The following MICU2 variants were observed in gnomAD, a reference collection of about 807,000 sequenced individuals.
The protein encoded by MICU2 is mitochondrial calcium uptake 2, also known as calcium uptake protein 2, mitochondrial.
A neutral mutation model predicts 60.4 loss-of-function variants in MICU2; 64 were observed. The observed-to-expected ratio is 1.06, with a 90% CI of 0.87 to 1.31. The LOEUF is 1.31. Among genes scored for constraint, MICU2 ranks in the 50% most tolerant of loss-of-function variants. The pLI is 0.00. For missense variants in MICU2, 569 were observed against 531.0 expected (o/e 1.07, Z -0.70); for synonymous variants, 201 against 175.0 (o/e 1.15, Z -1.17).
chr13:21,575,812 T>A (rs888134141), intron 1 of MICU2, among the ~76,000 whole-genome samples: 3 of 151,482 alleles, frequency 2.0e-5, no homozygotes, highest in African/African-American at 7.3e-5. Context: ...ATCAATATCA[T>A]TTATTGCAAC....
chr13:21,603,873 C>T, intron 1 of MICU2, 66 bp downstream of exon 1: 1 of 1,567,958 alleles, frequency 6.4e-7, no homozygotes, highest in Non-Finnish European at 8.7e-7. Flanking sequence ...CAAACCACTC[C>T]CCGCCTAAGG....
chr13:21,515,432 T>G (rs1266559436), intron 6 of MICU2: 1 of 287,448 alleles, frequency 3.5e-6, no homozygotes, highest in Non-Finnish European at 7.1e-6. Context: ...TCCTTTTCCC[T>G]TTATGCATTT....
At chr13:21,495,777 GC>G (rs1885980402) in intron 10 of MICU2, 1 of 262,478 alleles carries the variant, frequency 3.8e-6, no homozygotes, top group East Asian at 9.1e-5. Flanking sequence ...TTTGTGATCC[GC>G]CCACCTTGGA....
intron 2 of MICU2, among the ~76,000 whole-genome samples, chr13:21,562,633 G>A (rs1032988832): frequency 6.6e-6 from 1 of 152,022 alleles, no homozygotes; most frequent in South Asian, 2.1e-4. Context: ...ATACCACTTC[G>A]TGGGTGGTAC....
chr13:21,554,502 A>G (rs1249592901), intron 2 of MICU2, among the ~76,000 whole-genome samples: 5 of 152,220 alleles, frequency 3.3e-5, no homozygotes, highest in Non-Finnish European at 7.3e-5. Context: ...AAGATACAAC[A>G]TACCAGAATC....
intron 1 of MICU2, among the ~76,000 whole-genome samples, chr13:21,579,709 G>A (rs969165520): frequency 4.6e-5 from 7 of 152,074 alleles, no homozygotes; most frequent in Non-Finnish European, 7.4e-5. Flanking sequence ...GCACAAATTT[G>A]CCAAAGTCTC....
chr13:21,553,919 T>C (rs1335667813), intron 2 of MICU2, among the ~76,000 whole-genome samples: 1 of 151,770 alleles, frequency 6.6e-6, no homozygotes, highest in African/African-American at 2.4e-5. Context: ...CCAACAAAGA[T>C]CAAAAGAGAC....
intron 6 of MICU2, among the ~76,000 whole-genome samples, 169 bp from the exon 7 acceptor site, chr13:21,514,587 G>A (rs1451946218): frequency 2.0e-5 from 3 of 151,802 alleles, no homozygotes; most frequent in East Asian, 3.9e-4. Context: ...AGGCTGGAGT[G>A]CAGTGGCGCA....
intron 9 of MICU2, among the ~76,000 whole-genome samples, chr13:21,501,226 G>C (rs985246545): frequency 1.3e-5 from 2 of 151,680 alleles, no homozygotes; most frequent in African/African-American, 4.8e-5. Flanking sequence ...ACCAAGGTTT[G>C]ATAATATATT....
intron 9 of MICU2, among the ~76,000 whole-genome samples, chr13:21,498,882 C>T (rs777244124): frequency 1.3e-5 from 2 of 151,710 alleles, no homozygotes; most frequent in Non-Finnish European, 2.9e-5. Context: ...ATCATGACCT[C>T]GAAGTAGGCA....
intron 6 of MICU2, among the ~76,000 whole-genome samples, chr13:21,515,112 C>T (rs532013103): frequency 4.6e-4 from 64 of 138,936 alleles, no homozygotes; most frequent in Non-Finnish European, 6.8e-4. Context: ...GACGGAGTCT[C>T]GCTCTGTCAC....
intron 4 of MICU2, among the ~76,000 whole-genome samples, chr13:21,528,120 T>C (rs1276091845): frequency 1.3e-5 from 2 of 152,178 alleles, no homozygotes; most frequent in Non-Finnish European, 2.9e-5. Context: ...AATATATATA[T>C]AGTAAACTAC....
chr13:21,566,603 CAT>C (rs1307375540), intron 2 of MICU2, among the ~76,000 whole-genome samples, 192 bp downstream of exon 2: 1 of 151,590 alleles, frequency 6.6e-6, no homozygotes, highest in African/African-American at 2.4e-5. Flanking sequence ...TTTAGAGAAA[CAT>C]ACATACAAAA....
rs1888896048 is a variant in MICU2, at chr13:21,604,002, C to A, written c.147G>T (p.Ala49=). ...CACTGACGCGGCTGTGGTGCCAGGC[C>A]GCTCCTGCTCCTGCCAGGGCCGCGC... ...VAGAALAGAG[A]AWHHSRVSVA... is the part of the protein sequence containing the mutation. Residue 49 remains alanine (A), a synonymous_variant, in exon 1 of 12, where the codon GCG becomes GCT. Transcript: ENST00000382374. The A allele has an allele frequency of 3.7e-6, 6 of 1,610,986 alleles. No homozygotes were observed. The highest frequency in any genetic ancestry group is 2.2e-5 in the South Asian group (2 of 90,948).
intron 6 of MICU2, among the ~76,000 whole-genome samples, chr13:21,520,176 G>A (rs1440897599): frequency 6.6e-6 from 1 of 152,088 alleles, no homozygotes; most frequent in Non-Finnish European, 1.5e-5. Context: ...GTATTCTATT[G>A]TATGGATCCT....
chr13:21,590,592 A>G (rs1888557468), intron 1 of MICU2, among the ~76,000 whole-genome samples: 1 of 152,232 alleles, frequency 6.6e-6, no homozygotes, highest in African/African-American at 2.4e-5. Context: ...GAAAATAAGA[A>G]TTGGTCGGGC....
chr13:21,495,884 A>G, intron 10 of MICU2, 168 bp downstream of exon 10: 1 of 551,172 alleles, frequency 1.8e-6, no homozygotes, highest in East Asian at 3.1e-5. Flanking sequence ...GAAAGTAACC[A>G]TTAAACTGGA....
chr13:21,591,351 G>T (rs537749657), intron 1 of MICU2, among the ~76,000 whole-genome samples: 1 of 152,118 alleles, frequency 6.6e-6, no homozygotes, highest in Non-Finnish European at 1.5e-5. Flanking sequence ...ACCAATACAG[G>T]AGCACCCAGA....
intron 9 of MICU2, 27 bp from the exon 10 acceptor site, chr13:21,496,187 AT>A (rs1434598011): frequency 1.3e-6 from 2 of 1,499,182 alleles, no homozygotes. Context: ...TTTTATTACA[AT>A]TTTGTAAGTA....
Sources: allele counts gnomAD v4.1 joint callset (sites outside exome capture counted in the v4.1 genomes callset), GRCh38; gene constraint gnomAD v4.1.1; transcripts MANE v1.5; gene names NCBI Gene and HGNC (gene_info 2026-07-23, HGNC 2026-07-21).